The following PKN2 variants were observed in gnomAD, a reference collection of about 807,000 sequenced individuals.
PKN2 encodes protein kinase N2.
A neutral mutation model predicts 119.1 loss-of-function variants in PKN2; 38 were observed. The ratio of observed to expected loss-of-function variants is 0.32; its 90% CI spans 0.25 to 0.42. PKN2 has a LOEUF of 0.42. Ranked by LOEUF, PKN2 falls within the 10% of genes least tolerant of loss-of-function variation. PKN2 has a pLI of 1.00. For missense variants in PKN2, 850 were observed against 1,165.1 expected, an observed-to-expected ratio of 0.73 and a Z score of 3.94; for synonymous variants, 390 against 384.9, an observed-to-expected ratio of 1.01 and a Z score of -0.15.
chr1:88,736,835 C>T lies in PKN2; in HGVS notation c.49-4153C>T, dbSNP rs562033105. On this transcript the variant is annotated intron_variant, in intron 1 of 21. Transcript: ENST00000370521. ...TCACTGTTTCAGCACTAGATGGCAC[C>T]GTAAGCCCAGGTTTGCAGTGAATTC... Among the ~76,000 whole-genome samples, 25 of 152,272 alleles carry T rather than the reference C, an allele frequency of 1.6e-4. No homozygotes were observed. In the East Asian group the frequency reaches 3.1e-3, roughly 19 times the overall value.
intron 6 of PKN2, among the ~76,000 whole-genome samples, chr1:88,781,418 A>AGGCTGGAG (rs1557606866): frequency 1.4e-5 from 2 of 147,854 alleles, no homozygotes; most frequent in African/African-American, 5.3e-5. Context: ...TGAATTAGTG[A>AGGCTGGAG]AATAGGTATA....
At chr1:88,797,894 T>A (rs1240482055) in intron 8 of PKN2, among the ~76,000 whole-genome samples, 1 of 152,144 alleles carries the variant, frequency 6.6e-6, no homozygotes, top group South Asian at 2.1e-4. Context: ...TTTGGGAGGC[T>A]GACATGGGAG....
At chr1:88,703,874 G>A (rs1197392830) in intron 1 of PKN2, among the ~76,000 whole-genome samples, 2 of 152,070 alleles carry the variant, frequency 1.3e-5, no homozygotes, top group African/African-American at 4.8e-5. Flanking sequence ...CCTAACTCTA[G>A]TAGAAGATAA....
intron 1 of PKN2, among the ~76,000 whole-genome samples, chr1:88,721,124 G>T (rs567256560): frequency 7.3e-5 from 11 of 150,870 alleles, no homozygotes; most frequent in South Asian, 6.2e-4. Flanking sequence ...TTTTTTTTTC[G>T]TCTGGGTAGA....
rs969640733 is a variant in PKN2, at chr1:88,803,576, T to C, written c.1282-815T>C. Reference sequence around the variant, plus strand: ...GTCAGTATATGGTTTGGCCACAGCTTAGGAACTATGTTCTACAGGTGCATT... The same window carrying C: ...GTCAGTATATGGTTTGGCCACAGCTCAGGAACTATGTTCTACAGGTGCATT... On this transcript the variant is annotated intron_variant, in intron 8 of 21. Coordinates refer to ENST00000370521, the MANE Select transcript of PKN2 (RefSeq NM_006256.4). Among the ~76,000 whole-genome samples the C allele has an allele frequency of 2.6e-5, 4 of 152,168 alleles. No individual in the cohort carries two copies. In the South Asian group the frequency reaches 8.3e-4, roughly 32 times the overall value.
intron 6 of PKN2, among the ~76,000 whole-genome samples, chr1:88,772,378 A>G (rs1669931925): frequency 6.6e-6 from 1 of 152,212 alleles, no homozygotes; most frequent in Admixed American, 6.5e-5. Context: ...TCTAAAATTC[A>G]AAACTTTTTG....
chr1:88,788,864 C>T (rs1670692423), intron 8 of PKN2, among the ~76,000 whole-genome samples: 1 of 152,176 alleles, frequency 6.6e-6, no homozygotes, highest in African/African-American at 2.4e-5. Context: ...TGAATTCCCT[C>T]AGCCTTCCTG....
intron 3 of PKN2, among the ~76,000 whole-genome samples, chr1:88,767,147 T>C (rs1669696738): frequency 6.6e-6 from 1 of 152,206 alleles, no homozygotes; most frequent in African/African-American, 2.4e-5. Flanking sequence ...ATTATTTTTA[T>C]TGTCCTAAAA....
chr1:88,715,324 A>G (rs1221819059), intron 1 of PKN2, among the ~76,000 whole-genome samples: 1 of 152,184 alleles, frequency 6.6e-6, no homozygotes, highest in Non-Finnish European at 1.5e-5. Flanking sequence ...ATTGATTGGA[A>G]TAGTTTCAGA....
At position 88,774,807 on chromosome 1, in the gene PKN2, C is replaced by CA. The variant is rs570393207; in HGVS notation, c.985+2930dup. On this transcript the variant is annotated intron_variant, in intron 6 of 21. Transcript: ENST00000370521. ...CACTGTAACCTCAAACATCTGGGCTCAAGCAATCCTCCTGCCTCAACCTCC... is the reference window on the plus strand; with the variant it reads ...CACTGTAACCTCAAACATCTGGGCTCAAAGCAATCCTCCTGCCTCAACCTCC... 3.6e-4 allele frequency among the ~76,000 whole-genome samples: 54 copies of CA among 151,768 alleles called. 1 individual carries two copies. In the East Asian group the frequency reaches 5.9e-3, roughly 17 times the overall value.
At chr1:88,786,999 C>G (rs1229595937) in intron 8 of PKN2, among the ~76,000 whole-genome samples, 2 of 142,452 alleles carry the variant, frequency 1.4e-5, no homozygotes, top group African/African-American at 2.6e-5. Context: ...GAGGATAGAA[C>G]AGTAATCACC....
chr1:88,782,700 G>A (rs1041487727), intron 6 of PKN2, among the ~76,000 whole-genome samples: 2 of 151,336 alleles, frequency 1.3e-5, no homozygotes, highest in Non-Finnish European at 2.9e-5. Flanking sequence ...TCTTCCATGT[G>A]TCTGTGCCAC....
intron 1 of PKN2, among the ~76,000 whole-genome samples, chr1:88,720,312 G>A (rs1002966358): frequency 2.0e-5 from 3 of 152,108 alleles, no homozygotes; most frequent in East Asian, 1.9e-4. Flanking sequence ...GAGCCACCGC[G>A]CCTGACCAAA....
At chr1:88,715,130 A>T (rs1189430080) in intron 1 of PKN2, among the ~76,000 whole-genome samples, 1 of 152,068 alleles carries the variant, frequency 6.6e-6, no homozygotes, top group African/African-American at 2.4e-5. Context: ...AGCCAAGTTG[A>T]TCTTGGTGGA....
chr1:88,767,523 G>A (rs928669239), intron 3 of PKN2, among the ~76,000 whole-genome samples: 1 of 152,108 alleles, frequency 6.6e-6, no homozygotes, highest in Admixed American at 6.5e-5. Flanking sequence ...ATGGTACTAG[G>A]CTACATGGTA....
At position 88,821,934 on chromosome 1, in the gene PKN2, C is replaced by A; in HGVS notation, c.2280-7C>A. The A allele has an allele frequency of 6.4e-7, 1 of 1,565,860 alleles. No individual in the cohort carries two copies. The highest frequency in any genetic ancestry group is 2.0e-5 in the Admixed American group (1 of 50,320). On this transcript the variant is annotated splice_polypyrimidine_tract_variant and splice_region_variant and intron_variant, in intron 16 of 21. Transcript: ENST00000370521. ...TTAAACTCCTGTTGATTTAATTCTTCAAACAGATTTTATGCTGCTTGTGTA... is the reference window on the plus strand; with the variant it reads ...TTAAACTCCTGTTGATTTAATTCTTAAAACAGATTTTATGCTGCTTGTGTA...
At position 88,833,519 on chromosome 1, in the gene PKN2, C is replaced by G; in HGVS notation, c.*71C>G. The G allele has an allele frequency of 6.1e-6, 7 of 1,141,358 alleles. No homozygotes were observed. The highest frequency in any genetic ancestry group is 9.1e-6 in the Non-Finnish European group (7 of 766,134). 70.7% of individuals were successfully genotyped at this position (1,141,358 alleles called of 1,614,324 possible). A position where few individuals can be genotyped will look rare whatever the true frequency, so the allele number is the denominator to read the frequency against. On this transcript the variant is annotated 3_prime_UTR_variant, in exon 22 of 22. Transcript: ENST00000370521. ...TAAAAATAGCAACCCTTCATTTGCTCTCTGTGCCACCAATAGCTTCTGAGT... is the reference window on the plus strand; with the variant it reads ...TAAAAATAGCAACCCTTCATTTGCTGTCTGTGCCACCAATAGCTTCTGAGT...
At chr1:88,684,769 A>G in intron 1 of PKN2, 141 bp downstream of exon 1, 1 of 680,136 alleles carries the variant, frequency 1.5e-6, no homozygotes, top group Non-Finnish European at 2.3e-6. Flanking sequence ...GTCACTCGGG[A>G]AATGCTTCCC....
In PKN2 at chr1:88,807,631, A is replaced by G. The variant is rs1348890611; in HGVS notation, c.2010+27A>G. 3 of 1,580,132 alleles carry G rather than the reference A, an allele frequency of 1.9e-6. No homozygotes were observed. In the South Asian group the frequency reaches 3.4e-5, roughly 18 times the overall value. ...TAATCTTTTTGGAATTTTTTGGAAT[A>G]TCTACAACATTAATAACTCAAGTGG... On this transcript the variant is annotated intron_variant, in intron 14 of 21. Transcript: ENST00000370521.
Sources: allele counts gnomAD v4.1 joint callset (sites outside exome capture counted in the v4.1 genomes callset), GRCh38; gene constraint gnomAD v4.1.1; transcripts MANE v1.5; gene names NCBI Gene and HGNC (gene_info 2026-07-23, HGNC 2026-07-21).